Variants in ATP8A2 observed in about 807,000 individuals in gnomAD.
The protein encoded by ATP8A2 is phospholipid-transporting ATPase IB.
Under a neutral mutation model 165.6 loss-of-function variants are expected in ATP8A2, and 100 were observed. That is an observed-to-expected ratio of 0.60 (90% confidence interval 0.51 to 0.71). The LOEUF is 0.71. Ranked by LOEUF, ATP8A2 falls within the 30% of genes least tolerant of loss-of-function variation. The pLI is 0.00. For synonymous variants in ATP8A2, 543 were observed against 548.8 expected (o/e 0.99, Z 0.15); for missense variants, 1,227 against 1,479.5 (o/e 0.83, Z 2.80).
intron 24 of ATP8A2, among the ~76,000 whole-genome samples, chr13:25,596,837 A>C (rs1305149466): frequency 2.0e-5 from 3 of 152,194 alleles, no homozygotes; most frequent in Non-Finnish European, 1.5e-5. Flanking sequence ...TTTATAAGAA[A>C]TTGCCAAACA....
chr13:25,400,893 G>T (rs1473147092), intron 1 of ATP8A2, among the ~76,000 whole-genome samples: 1 of 152,200 alleles, frequency 6.6e-6, no homozygotes, highest in African/African-American at 2.4e-5. Flanking sequence ...TCACTATGTG[G>T]AAGCATTTTG....
intron 24 of ATP8A2, among the ~76,000 whole-genome samples, chr13:25,604,120 G>A (rs1020188669): frequency 2.5e-4 from 38 of 152,172 alleles, no homozygotes; most frequent in African/African-American, 7.9e-4. Context: ...TGGCCATTGA[G>A]GTAAGTAGAG....
At chr13:25,978,167 G>C (rs986877371) in intron 35 of ATP8A2, among the ~76,000 whole-genome samples, 2 of 152,014 alleles carry the variant, frequency 1.3e-5, no homozygotes, top group African/African-American at 2.4e-5. Flanking sequence ...TAACCCACTT[G>C]AGCAGCAATA....
At chr13:25,437,147 G>C (rs757500555) in intron 1 of ATP8A2, among the ~76,000 whole-genome samples, 1 of 151,980 alleles carries the variant, frequency 6.6e-6, no homozygotes, top group Non-Finnish European at 1.5e-5. Flanking sequence ...TTTGATTTGC[G>C]TTTCTCTGAT....
chr13:25,426,687 A>G (rs1744703638), intron 1 of ATP8A2, among the ~76,000 whole-genome samples: 1 of 152,120 alleles, frequency 6.6e-6, no homozygotes, highest in South Asian at 2.1e-4. Flanking sequence ...TCATGCCTGT[A>G]ATCCCAGTAC....
chr13:25,469,070 C>G lies in ATP8A2; in HGVS notation c.170C>G (p.Thr57Ser). ...GACCAGCTGGAGGCACCCGCCCGCACCATTTACCTCAACCAACCGCATCTC... is the reference window on the plus strand; with the variant it reads ...GACCAGCTGGAGGCACCCGCCCGCAGCATTTACCTCAACCAACCGCATCTC... ...VGDQLEAPAR[T>S]IYLNQPHLNK... The change falls in exon 2 of 37, where the codon ACC becomes AGC. Residue 57 changes from threonine to serine, a missense_variant. This residue lies in a region of ATP8A2 where 356 missense variants were observed against 394.9 expected (regional missense o/e 0.90). Coordinates refer to ENST00000381655, the MANE Select transcript of ATP8A2 (RefSeq NM_016529.6). 6.2e-7 allele frequency: 1 copy of G among 1,614,092 alleles called. No homozygotes were observed.
intron 35 of ATP8A2, among the ~76,000 whole-genome samples, chr13:25,995,994 T>C (rs1269075051): frequency 6.6e-6 from 1 of 152,248 alleles, no homozygotes; most frequent in Non-Finnish European, 1.5e-5. Context: ...CTATGTATTC[T>C]GAATGGATTG....
At chr13:25,584,355 T>C (rs2039860945) in intron 23 of ATP8A2, among the ~76,000 whole-genome samples, 1 of 152,176 alleles carries the variant, frequency 6.6e-6, no homozygotes, top group African/African-American at 2.4e-5. Context: ...TCTAGTCATA[T>C]AGCCCTCATA....
intron 27 of ATP8A2, among the ~76,000 whole-genome samples, chr13:25,778,408 G>A (rs534637299): frequency 6.6e-6 from 1 of 152,080 alleles, no homozygotes; most frequent in African/African-American, 2.4e-5. Flanking sequence ...TAAAAACTAG[G>A]AACAAAATTA....
chr13:25,681,937 C>G (rs1231864220), intron 24 of ATP8A2, among the ~76,000 whole-genome samples: 1 of 152,148 alleles, frequency 6.6e-6, no homozygotes, highest in Non-Finnish European at 1.5e-5. Context: ...CTGTAACTGA[C>G]AAGAGTGATG....
chr13:25,872,984 A>G lies in ATP8A2; in HGVS notation c.3183+10576A>G, dbSNP rs144743897. 4.1e-3 allele frequency among the ~76,000 whole-genome samples: 630 copies of G among 152,216 alleles called. 5 individuals are homozygous for G. The highest frequency in any genetic ancestry group is 0.014 in the African/African-American group (592 of 41,514). ...CTTAAGCCAGGCTAGACGTATTTCAAGTACTCAGTAGCATCTGGCCAGTGG... is the reference window on the plus strand; with the variant it reads ...CTTAAGCCAGGCTAGACGTATTTCAGGTACTCAGTAGCATCTGGCCAGTGG... On this transcript the variant is annotated intron_variant, in intron 33 of 36. Transcript: ENST00000381655.
At chr13:25,616,656 C>T (rs539283792) in intron 24 of ATP8A2, among the ~76,000 whole-genome samples, 170 of 152,274 alleles carry the variant, frequency 1.1e-3, no homozygotes, top group African/African-American at 3.8e-3. Context: ...TGTGGTACTG[C>T]TTAGCTCATC....
chr13:25,801,585 C>T (rs990212869), intron 27 of ATP8A2, among the ~76,000 whole-genome samples: 1 of 152,140 alleles, frequency 6.6e-6, no homozygotes, highest in African/African-American at 2.4e-5. Context: ...TCTCCTTCTT[C>T]TTCTTGCCAG....
At chr13:25,946,587 G>A (rs1464942268) in intron 33 of ATP8A2, among the ~76,000 whole-genome samples, 6 of 152,032 alleles carry the variant, frequency 3.9e-5, no homozygotes, top group Admixed American at 3.3e-4. Flanking sequence ...CCTCAAACTC[G>A]CCCACGGAAT....
intron 2 of ATP8A2, among the ~76,000 whole-genome samples, chr13:25,482,636 T>C (rs906875406): frequency 3.9e-5 from 6 of 152,260 alleles, no homozygotes; most frequent in South Asian, 2.1e-4. Context: ...TCATCTTGAA[T>C]TGTAGCTCCC....
chr13:26,012,297 G>A (rs547465642), intron 35 of ATP8A2, among the ~76,000 whole-genome samples: 4 of 152,146 alleles, frequency 2.6e-5, no homozygotes, highest in Non-Finnish European at 5.9e-5. Context: ...ACACTTCAGC[G>A]AGCAGGAAGC....
intron 24 of ATP8A2, among the ~76,000 whole-genome samples, chr13:25,642,996 A>T (rs1050622135): frequency 3.3e-5 from 5 of 152,178 alleles, no homozygotes; most frequent in Non-Finnish European, 7.4e-5. Flanking sequence ...ACTCACTCAT[A>T]GGTGGGAATT....
intron 33 of ATP8A2, among the ~76,000 whole-genome samples, chr13:25,937,362 CTTTTTTT>C (rs1555293658): frequency 1.8e-4 from 7 of 38,798 alleles, no homozygotes; most frequent in Non-Finnish European, 3.8e-4. Context: ...TTCTTTCTTT[CTTTTTTT>C]TTTTTTTTTT....
intron 33 of ATP8A2, among the ~76,000 whole-genome samples, chr13:25,881,329 G>T (rs1030952763): frequency 1.3e-5 from 2 of 152,068 alleles, no homozygotes; most frequent in Admixed American, 1.3e-4. Context: ...ATTCCTCATT[G>T]GTCTGCCCAA....
Sources: gnomAD v4.1 joint callset for allele counts (sites outside exome capture counted in the v4.1 genomes callset) on GRCh38, gnomAD v4.1.1 for gene constraint, gnomAD v4.1.1 regional missense constraint, MANE v1.5 for transcripts, NCBI Gene and HGNC (gene_info 2026-07-23, HGNC 2026-07-21) for gene names.